The following DNAH8 variants were observed in gnomAD, a reference collection of about 807,000 sequenced individuals.
DNAH8 encodes axonemal beta dynein heavy chain 8.
Under a neutral mutation model 562.1 loss-of-function variants are expected in DNAH8, and 382 were observed. That is an observed-to-expected ratio of 0.68 (90% CI 0.63 to 0.74). The LOEUF (loss-of-function observed/expected upper bound fraction) is 0.74. Among genes scored for constraint, DNAH8 ranks in the 30% least tolerant of loss-of-function variants. DNAH8 has a pLI of 0.00. For missense variants in DNAH8, 5,203 were observed against 5,620.4 expected (o/e 0.93, Z 2.37); for synonymous variants, 1,881 against 1,919.4 (o/e 0.98, Z 0.52).
intron 80 of DNAH8, among the ~76,000 whole-genome samples, chr6:38,947,538 G>A (rs1761532968): frequency 6.6e-6 from 1 of 152,192 alleles, no homozygotes; most frequent in Admixed American, 6.5e-5. Context: ...TGGAAAGTCA[G>A]TAGGTGAAGA....
At position 38,853,260 on chromosome 6, in the gene DNAH8, A is replaced by C; in HGVS notation, c.5646A>C (p.Ser1882=). The C allele has an allele frequency of 6.2e-7, 1 of 1,613,432 alleles. No homozygotes were observed. Among genetic ancestry groups the C allele is most frequent in the Non-Finnish European group, 8.5e-7 (1 of 1,179,674 alleles). ...LLDLLKMQMS[S]LHNIIRSAFY... ...ATTTGTTAAAAATGCAGATGTCATC[A>C]TTACATAATATAATTAGATCCGCTT... Residue 1882 remains serine (S), a synonymous_variant, in exon 41 of 93, where the codon TCA becomes TCC. Transcript: ENST00000327475.
At chr6:38,973,427 C>T (rs754538293) in intron 83 of DNAH8, among the ~76,000 whole-genome samples, 34 of 152,178 alleles carry the variant, frequency 2.2e-4, no homozygotes, top group Non-Finnish European at 4.0e-4. Context: ...CTGTTCCTTT[C>T]TGAACCAGGG....
chr6:38,924,183 G>T (rs1026389425), intron 73 of DNAH8, 21 bp downstream of exon 73: 2 of 1,608,058 alleles, frequency 1.2e-6, no homozygotes, highest in Non-Finnish European at 1.7e-6. Context: ...CTTTCCCAAT[G>T]TTATTTGAAT....
intron 88 of DNAH8, among the ~76,000 whole-genome samples, chr6:39,008,153 A>G (rs1765917897): frequency 2.0e-5 from 3 of 152,024 alleles, no homozygotes; most frequent in Non-Finnish European, 1.5e-5. Flanking sequence ...TCTAATATCT[A>G]TCTCCTCCAC....
chr6:38,932,044 A>G (rs543934157), intron 76 of DNAH8, 51 bp downstream of exon 76: 2 of 1,315,532 alleles, frequency 1.5e-6, no homozygotes, highest in Non-Finnish European at 2.0e-6. Flanking sequence ...CATGCTTAAA[A>G]TGTATTGAGA....
intron 82 of DNAH8, among the ~76,000 whole-genome samples, chr6:38,955,147 GT>G (rs903133312): frequency 5.9e-5 from 9 of 151,696 alleles, no homozygotes; most frequent in Non-Finnish European, 1.0e-4. Flanking sequence ...TTTGTTTTCT[GT>G]TTTTTTGTAG....
At chr6:38,722,590 G>A (rs1180090361) in intron 1 of DNAH8, among the ~76,000 whole-genome samples, 186 bp from the exon 2 acceptor site, 3 of 151,958 alleles carry the variant, frequency 2.0e-5, no homozygotes, top group Non-Finnish European at 4.4e-5. Flanking sequence ...GGGGGTGTGT[G>A]TGTGTGTGTG....
chr6:39,008,440 A>G (rs1765943962), intron 88 of DNAH8, among the ~76,000 whole-genome samples: 2 of 152,186 alleles, frequency 1.3e-5, no homozygotes, highest in Non-Finnish European at 2.9e-5. Context: ...CTATAATGAT[A>G]GACTCTTATG....
intron 87 of DNAH8, among the ~76,000 whole-genome samples, chr6:38,988,756 G>A (rs1378068095): frequency 6.6e-6 from 1 of 152,066 alleles, no homozygotes; most frequent in Non-Finnish European, 1.5e-5. Flanking sequence ...CCCATTCCAA[G>A]TTCTCCGGTC....
intron 1 of DNAH8, among the ~76,000 whole-genome samples, chr6:38,718,078 G>A (rs1031107640): frequency 3.9e-5 from 6 of 152,098 alleles, no homozygotes; most frequent in Middle Eastern, 3.4e-3. Context: ...TCTTTGTATC[G>A]CTAATGATGC....
At chr6:38,730,014 A>G (rs760195926) in intron 4 of DNAH8, 28 bp downstream of exon 4, 2 of 1,081,232 alleles carry the variant, frequency 1.8e-6, no homozygotes, top group South Asian at 1.3e-5. Context: ...GCAGTGTGCC[A>G]GTAATTAGTT....
chr6:38,921,121 T>G (rs1781671094), intron 70 of DNAH8, among the ~76,000 whole-genome samples: 1 of 152,090 alleles, frequency 6.6e-6, no homozygotes, highest in Non-Finnish European at 1.5e-5. Context: ...TGAACTGGGC[T>G]CAAGTGATCC....
intron 60 of DNAH8, among the ~76,000 whole-genome samples, chr6:38,896,880 A>T (rs1779733046): frequency 6.6e-6 from 1 of 152,006 alleles, no homozygotes; most frequent in South Asian, 2.1e-4. Context: ...TCCGCCTCCC[A>T]GTTCAAGCAA....
intron 91 of DNAH8, among the ~76,000 whole-genome samples, chr6:39,015,900 C>G (rs1766534688): frequency 6.6e-6 from 1 of 152,184 alleles, no homozygotes; most frequent in African/African-American, 2.4e-5. Flanking sequence ...ACACCCTTAT[C>G]CATGACTGCT....
rs767028862 is a variant in DNAH8, at chr6:38,715,903, A to AAAATAAATAAATAAATAAATAAAT, written c.-35+490_-35+513dup. Reference sequence around the variant, plus strand: ...AACCACCTGTACCCGAAAAGCTATTAAAATAAATAAATAAATAAATAAATA... The same window carrying AAAATAAATAAATAAATAAATAAAT: ...AACCACCTGTACCCGAAAAGCTATTAAAATAAATAAATAAATAAATAAATAAATAAATAAATAAATAAATAAATA... On this transcript the variant is annotated intron_variant, in intron 1 of 92. Transcript: ENST00000327475. 4.8e-4 allele frequency among the ~76,000 whole-genome samples: 31 copies of AAAATAAATAAATAAATAAATAAAT among 65,198 alleles called. 1 individual carries two copies. The highest frequency in any genetic ancestry group is 1.0e-3 in the South Asian group (2 of 2,008). The allele number at this position is 65,198 out of a possible 152,430, so 42.8% of individuals were successfully genotyped here.
chr6:38,840,736 A>G (rs1196828592), intron 33 of DNAH8, among the ~76,000 whole-genome samples: 1 of 152,186 alleles, frequency 6.6e-6, no homozygotes, highest in Non-Finnish European at 1.5e-5. Flanking sequence ...TAGGTAGAAA[A>G]TGAAAAATTC....
intron 30 of DNAH8, among the ~76,000 whole-genome samples, chr6:38,831,098 A>G (rs1039530688): frequency 6.6e-6 from 1 of 152,190 alleles, no homozygotes; most frequent in African/African-American, 2.4e-5. Flanking sequence ...GTTGAGGTTT[A>G]GTGAAACCCA....
intron 12 of DNAH8, among the ~76,000 whole-genome samples, chr6:38,773,661 G>A (rs1003583826): frequency 3.9e-5 from 6 of 152,174 alleles, no homozygotes; most frequent in Non-Finnish European, 8.8e-5. Context: ...ATAATTGGTG[G>A]ATATTGGTGT....
chr6:38,812,409 G>A (rs116030357), intron 24 of DNAH8, among the ~76,000 whole-genome samples: 1 of 152,142 alleles, frequency 6.6e-6, no homozygotes, highest in Non-Finnish European at 1.5e-5. Context: ...CAATTTTTGA[G>A]GAGGCATACA....
Sources: gnomAD v4.1 joint callset for allele counts (sites outside exome capture counted in the v4.1 genomes callset) on GRCh38, gnomAD v4.1.1 for gene constraint, MANE v1.5 for transcripts, NCBI Gene and HGNC (gene_info 2026-07-23, HGNC 2026-07-21) for gene names.